The following GSDME variants were observed in gnomAD, a reference collection of about 807,000 sequenced individuals.
GSDME encodes gasdermin-E.
GSDME carries 44 observed loss-of-function variants against 47.5 expected under a neutral mutation model. That is an observed-to-expected ratio of 0.93 (90% CI 0.73 to 1.19). GSDME has a LOEUF of 1.19. Among genes scored for constraint, GSDME ranks in the 50% most tolerant of loss-of-function variants. The pLI is 0.00. For missense variants in GSDME, 663 were observed against 604.2 expected (o/e 1.10, Z -1.02); for synonymous variants, 258 against 252.8 (o/e 1.02, Z -0.20).
rs1051625938 is a variant in GSDME, at chr7:24,736,697, A to G, written c.404+7865T>C. Among the ~76,000 whole-genome samples the G allele has an allele frequency of 1.3e-5, 2 of 152,140 alleles. No homozygotes were observed. Among genetic ancestry groups the G allele is most frequent in the Admixed American group, 1.3e-4 (2 of 15,272 alleles). On this transcript the variant is annotated intron_variant, in intron 3 of 9. Coordinates refer to ENST00000645220, the MANE Select transcript of GSDME (RefSeq NM_001127453.2). The surrounding 1 kb of genome is among the most constrained non-coding windows in gnomAD (Gnocchi z 4.6). Reference sequence around the variant, plus strand: ...TATATACAGAACATTTCATCCAACAACTGAAGAATACACATTCTTTTCCTC... The same window carrying G: ...TATATACAGAACATTTCATCCAACAGCTGAAGAATACACATTCTTTTCCTC...
the GSDME span, among the ~76,000 whole-genome samples, chr7:24,784,899 C>T: frequency 6.6e-6 from 1 of 152,034 alleles, no homozygotes; most frequent in Non-Finnish European, 1.5e-5. Context: ...TTGGATGGTG[C>T]CCACCCACAC....
At chr7:24,710,711 CAAATG>C (rs1477823638) in intron 5 of GSDME, 3 of 289,140 alleles carry the variant, frequency 1.0e-5, no homozygotes, top group East Asian at 7.7e-5. Flanking sequence ...TCTAAACAGA[CAAATG>C]AAACCTGACA....
Position 24,721,125 on chromosome 7 carries a change from T to C in GSDME, c.405-1907A>G, listed in dbSNP as rs55780395. Among the ~76,000 whole-genome samples, 5,851 of 152,154 alleles carry C rather than the reference T, an allele frequency of 0.038. 158 individuals are homozygous for C. Among genetic ancestry groups the C allele is most frequent in the Non-Finnish European group, 0.057 (3,876 of 67,996 alleles). On this transcript the variant is annotated intron_variant, in intron 3 of 9. Transcript: ENST00000645220. This position sits in a 1 kb window ranked among gnomAD's most constrained non-coding sequence, Gnocchi z 4.1. ...TGCCTGATGGCTGCAGAGTTCCTAG[T>C]TGAGGTGACGAAGAAGTTCTAGAAA...
rs1214540155 is a variant in GSDME at position 24,714,995 on chromosome 7, T to C, written c.697+2259A>G. The stretch of plus-strand genomic sequence containing the variant: ...TGATGGACAAATAGATAAAGAAAAT[T>C]GATGTATTTACACAATGGAATACTT... On this transcript the variant is annotated intron_variant, in intron 5 of 9. Coordinates refer to ENST00000645220, the MANE Select transcript of GSDME (RefSeq NM_001127453.2). The surrounding 1 kb of genome is among the most constrained non-coding windows in gnomAD (Gnocchi z 5.0). Among the ~76,000 whole-genome samples the C allele has an allele frequency of 6.6e-6, 1 of 152,170 alleles. No individual in the cohort carries two copies. The highest frequency in any genetic ancestry group is 1.5e-5 in the Non-Finnish European group (1 of 68,034).
the GSDME span, among the ~76,000 whole-genome samples, chr7:24,776,535 C>G: frequency 2.0e-5 from 3 of 152,282 alleles, no homozygotes; most frequent in East Asian, 5.8e-4. Context: ...TATTTTGAAG[C>G]AAATCCTAGG....
the GSDME span, among the ~76,000 whole-genome samples, chr7:24,779,498 G>GGTGTGTGTGTGTGT: frequency 0.032 from 4,515 of 143,030 alleles, 162 homozygotes; most frequent in African/African-American, 0.072. The surrounding 1 kb of genome is among the most constrained non-coding windows in gnomAD (Gnocchi z 6.0). Flanking sequence ...AGTGATACAT[G>GGTGTGTGTGTGTGT]GTGTGTGTGT....
rs114234091 is a variant in GSDME at position 24,713,079 on chromosome 7, A to G, written c.698-2691T>C. ...CGAATAGCAGTTTTACATGACATGG[A>G]AGCCTTCATAAGAAAATGAACATGT... On this transcript the variant is annotated intron_variant, in intron 5 of 9. Coordinates refer to ENST00000645220, the MANE Select transcript of GSDME (RefSeq NM_001127453.2). 5.3e-3 allele frequency among the ~76,000 whole-genome samples: 813 copies of G among 152,108 alleles called. 8 individuals carry two copies. The highest frequency in any genetic ancestry group is 0.018 in the African/African-American group (744 of 41,488).
chr7:24,777,812 C>T, the GSDME span, among the ~76,000 whole-genome samples: 2 of 152,092 alleles, frequency 1.3e-5, no homozygotes, highest in African/African-American at 2.4e-5. Context: ...GCAGGAGGAT[C>T]GCTTGAGCCC....
chr7:24,700,602 C>G (rs557120453), intron 9 of GSDME, among the ~76,000 whole-genome samples: 3 of 152,184 alleles, frequency 2.0e-5, no homozygotes, highest in Non-Finnish European at 4.4e-5. Flanking sequence ...GGGTAGCACT[C>G]ACTGGAATGT....
chr7:24,783,287 T>C, the GSDME span, among the ~76,000 whole-genome samples: 8 of 152,328 alleles, frequency 5.3e-5, no homozygotes, highest in South Asian at 6.2e-4. Context: ...AAGTACAAGA[T>C]TGTAGCTGTA....
Position 24,744,754 on chromosome 7 carries a change from A to AC in GSDME, c.212-1dup (p.Val71GlyfsTer83), listed in dbSNP as rs1562712655. ...TTTCACAAAGTCCGACTCCACGACC[A>AC]CTGGAATGGAGGAGACGAGCAGAGG... On this transcript the variant is annotated frameshift_variant and splice_region_variant. Transcript: ENST00000645220. LOFTEE classifies it high-confidence loss of function. This position sits in a 1 kb window ranked among gnomAD's most constrained non-coding sequence, Gnocchi z 4.5. The AC allele has an allele frequency of 4.3e-6, 7 of 1,613,982 alleles. No individual in the cohort carries two copies. The highest frequency in any genetic ancestry group is 5.1e-6 in the Non-Finnish European group (6 of 1,180,018).
intron 6 of GSDME, among the ~76,000 whole-genome samples, chr7:24,708,941 G>A (rs563641455): frequency 2.6e-5 from 4 of 152,226 alleles, no homozygotes; most frequent in Admixed American, 2.6e-4. Flanking sequence ...ATACTCAGAA[G>A]CTTCTTGTAA....
At chr7:24,765,768 C>T in the GSDME span, among the ~76,000 whole-genome samples, 7 of 152,184 alleles carry the variant, frequency 4.6e-5, no homozygotes, top group Non-Finnish European at 1.5e-5. Flanking sequence ...ATCTATAATA[C>T]CCACATTTTT....
intron 3 of GSDME, among the ~76,000 whole-genome samples, chr7:24,723,811 T>C (rs150220672): frequency 7.9e-4 from 121 of 152,372 alleles, no homozygotes; most frequent in African/African-American, 2.8e-3. Flanking sequence ...CATTTCTATA[T>C]GTAAATATCT....
At chr7:24,769,261 G>T in the GSDME span, among the ~76,000 whole-genome samples, 2 of 152,194 alleles carry the variant, frequency 1.3e-5, no homozygotes, top group Non-Finnish European at 2.9e-5. Context: ...AACTGTAACT[G>T]ATGAACTGCT....
chr7:24,763,668 C>G, the GSDME span, among the ~76,000 whole-genome samples: 1 of 152,158 alleles, frequency 6.6e-6, no homozygotes, highest in African/African-American at 2.4e-5. This position sits in a 1 kb window ranked among gnomAD's most constrained non-coding sequence, Gnocchi z 4.3. Flanking sequence ...GTAACTGAAA[C>G]CACAAAAAGT....
intron 1 of GSDME, among the ~76,000 whole-genome samples, chr7:24,755,545 T>TC (rs1301366630): frequency 9.2e-5 from 14 of 152,372 alleles, no homozygotes; most frequent in African/African-American, 3.4e-4. Flanking sequence ...ATCTCAGGGT[T>TC]CCCCATGGTG....
chr7:24,770,785 C>T, the GSDME span, among the ~76,000 whole-genome samples: 1 of 151,246 alleles, frequency 6.6e-6, no homozygotes. The surrounding 1 kb of genome is among the most constrained non-coding windows in gnomAD (Gnocchi z 4.6). Context: ...CATTCGTAGA[C>T]TGGACACCAC....
intron 5 of GSDME, 53 bp downstream of exon 5, chr7:24,717,201 C>G: frequency 6.2e-7 from 1 of 1,610,222 alleles, no homozygotes; most frequent in Non-Finnish European, 8.5e-7. Flanking sequence ...AGTCCCTCTG[C>G]TGAGGGATCC....
Sources: gnomAD v4.1 joint callset for allele counts (sites outside exome capture counted in the v4.1 genomes callset) on GRCh38, gnomAD v4.1.1 for gene constraint, Gnocchi (gnomAD v3.1) non-coding constraint, MANE v1.5 for transcripts, NCBI Gene and HGNC (gene_info 2026-07-23, HGNC 2026-07-21) for gene names.